Variants in FAM13A observed in about 807,000 individuals in gnomAD.
FAM13A encodes family with sequence similarity 13 member A, also known as protein FAM13A.
In FAM13A, 76 loss-of-function variants were observed where a neutral mutation model predicts 129.6. The observed-to-expected ratio is 0.59, with a 90% CI of 0.49 to 0.71. The LOEUF (loss-of-function observed/expected upper bound fraction) is 0.71, where lower values mean the gene tolerates loss of function less well. Ranked by LOEUF, FAM13A falls within the 30% of genes least tolerant of loss-of-function variation. The pLI, the probability that FAM13A is intolerant of heterozygous loss-of-function variation, is 0.00. For synonymous variants in FAM13A, 443 were observed against 449.9 expected, an observed-to-expected ratio of 0.98 and a Z score of 0.20; for missense variants, 1,108 against 1,249.3, an observed-to-expected ratio of 0.89 and a Z score of 1.70.
intron 14 of FAM13A, among the ~76,000 whole-genome samples, chr4:88,751,718 C>A (rs1023028174): frequency 1.3e-5 from 2 of 151,996 alleles, no homozygotes; most frequent in Admixed American, 1.3e-4. Context: ...TCAATAGACT[C>A]CTTTCCTCAT....
At chr4:89,039,039 T>G (rs979744170) in intron 1 of FAM13A, among the ~76,000 whole-genome samples, 1 of 152,212 alleles carries the variant, frequency 6.6e-6, no homozygotes, top group African/African-American at 2.4e-5. Context: ...TGATGCATTA[T>G]AAAGAATACA....
At chr4:88,880,208 G>A (rs1032068981) in intron 6 of FAM13A, among the ~76,000 whole-genome samples, 1 of 152,112 alleles carries the variant, frequency 6.6e-6, no homozygotes, top group East Asian at 1.9e-4. Context: ...ACCCTTTGAA[G>A]GAAGTGGATT....
intron 6 of FAM13A, among the ~76,000 whole-genome samples, chr4:88,869,390 C>T (rs1053935401): frequency 2.6e-5 from 4 of 152,244 alleles, no homozygotes; most frequent in African/African-American, 9.6e-5. Flanking sequence ...GGTACTTCTG[C>T]TTCTTTCACT....
chr4:88,912,560 C>CACAT (rs1016753200), intron 5 of FAM13A, among the ~76,000 whole-genome samples: 3 of 95,474 alleles, frequency 3.1e-5, no homozygotes, highest in Non-Finnish European at 6.0e-5. Flanking sequence ...TCTCTTTACA[C>CACAT]ACATACATAC....
At chr4:88,970,075 C>T (rs1013575321) in intron 4 of FAM13A, among the ~76,000 whole-genome samples, 7 of 152,194 alleles carry the variant, frequency 4.6e-5, no homozygotes, top group Non-Finnish European at 1.0e-4. Context: ...AGAGAAGGCA[C>T]TCAATAAATA....
At chr4:89,014,201 A>G (rs1766142571) in intron 3 of FAM13A, among the ~76,000 whole-genome samples, 1 of 152,234 alleles carries the variant, frequency 6.6e-6, no homozygotes, top group African/African-American at 2.4e-5. Context: ...ACGATGCAGT[A>G]GGAACGCACT....
intron 5 of FAM13A, among the ~76,000 whole-genome samples, chr4:88,935,831 C>T (rs1263738257): frequency 2.0e-5 from 3 of 152,112 alleles, no homozygotes; most frequent in Non-Finnish European, 4.4e-5. Flanking sequence ...TCCATAACTT[C>T]TATTTCATCC....
At chr4:89,019,013 G>A (rs941539193) in intron 3 of FAM13A, among the ~76,000 whole-genome samples, 8 of 152,214 alleles carry the variant, frequency 5.3e-5, no homozygotes, top group African/African-American at 1.9e-4. Flanking sequence ...GAGGCCAGGG[G>A]CTGCAGAGAA....
chr4:89,031,547 G>A (rs1207271085), intron 1 of FAM13A, among the ~76,000 whole-genome samples: 2 of 152,168 alleles, frequency 1.3e-5, no homozygotes, highest in East Asian at 3.8e-4. Flanking sequence ...GTTCATTTAT[G>A]TAAAGGAGTA....
chr4:88,823,304 T>TGCA lies in FAM13A; in HGVS notation c.1008-18255_1008-18253dup, dbSNP rs1396612955. The TGCA allele has an allele frequency of 6.8e-6, 8 of 1,177,200 alleles. No individual in the cohort carries two copies. The South Asian group carries it at 8.4e-5, about 12-fold the overall frequency. The allele number at this position is 1,177,200 out of a possible 1,614,324, so 72.9% of individuals were successfully genotyped here. A position where few individuals can be genotyped will look rare whatever the true frequency, so the allele number is the denominator to read the frequency against. On this transcript the variant is annotated intron_variant, in intron 7 of 23. Transcript: ENST00000264344. ...CCGGGCCAATCAGAGCAGCAGCTGC[T>TGCA]GCAGCACTAAAGGCGCTCCTCCTCC... is the stretch of plus-strand genomic sequence containing the variant.
At chr4:88,974,769 G>A (rs2148963240) in intron 4 of FAM13A, among the ~76,000 whole-genome samples, 1 of 152,322 alleles carries the variant, frequency 6.6e-6, no homozygotes, top group East Asian at 1.9e-4. Context: ...CCAGAAGAAA[G>A]AGATGAAGAG....
chr4:88,790,332 T>C (rs1392208628), intron 9 of FAM13A, among the ~76,000 whole-genome samples: 4 of 152,114 alleles, frequency 2.6e-5, no homozygotes, highest in Non-Finnish European at 5.9e-5. Context: ...CCTGGCATTA[T>C]TTTTAATGAA....
At chr4:88,735,487 G>A (rs1001473478) in intron 21 of FAM13A, among the ~76,000 whole-genome samples, 3 of 152,132 alleles carry the variant, frequency 2.0e-5, no homozygotes, top group African/African-American at 7.2e-5. Flanking sequence ...TTTTAGAGGG[G>A]ATTCTTATGT....
chr4:88,960,278 T>C (rs1758395740), intron 4 of FAM13A, among the ~76,000 whole-genome samples: 1 of 152,242 alleles, frequency 6.6e-6, no homozygotes, highest in South Asian at 2.1e-4. Context: ...TTTGCTTTAT[T>C]AAAAAATAAC....
intron 15 of FAM13A, 82 bp from the exon 16 acceptor site, chr4:88,749,991 T>C (rs1742221953): frequency 2.0e-6 from 3 of 1,492,182 alleles, no homozygotes; most frequent in African/African-American, 1.4e-5. Context: ...TGGGACACCA[T>C]GTGGCATGCG....
In FAM13A at chr4:89,029,528, C is replaced by A; in HGVS notation, c.149G>T (p.Arg50Leu). ...AATGCCATTCTCGGTGAGCCCCTGC[C>A]GTTCAAGTTCTTGGAGACTGACTCC... ...LFGVSLQELERQGLTENGIPA... is the reference protein window; with the variant it reads ...LFGVSLQELELQGLTENGIPA... The change falls in exon 2 of 24, where the codon CGG (arginine) becomes CTG (leucine). Residue 50 changes from arginine to leucine, a missense_variant. Physicochemically the swap from Arg to Leu is moderately radical, Grantham distance 102 (BLOSUM62 -2). Transcript: ENST00000264344. The A allele has an allele frequency of 6.3e-7, 1 of 1,591,922 alleles. No homozygotes were observed. Among genetic ancestry groups the A allele is most frequent in the South Asian group, 1.1e-5 (1 of 87,274 alleles).
intron 1 of FAM13A, among the ~76,000 whole-genome samples, chr4:89,039,832 C>T (rs891497603): frequency 2.0e-5 from 3 of 151,744 alleles, no homozygotes; most frequent in Non-Finnish European, 2.9e-5. Flanking sequence ...CTAATCCTCC[C>T]ACCACAGCTT....
Position 89,034,688 on chromosome 4 carries a change from C to T in FAM13A, c.28-5039G>A, listed in dbSNP as rs1157901506. Among the ~76,000 whole-genome samples the T allele has an allele frequency of 2.0e-5, 3 of 152,116 alleles. No homozygotes were observed. The East Asian group carries it at 5.8e-4, about 29-fold the overall frequency. Reference sequence around the variant, plus strand: ...CCTGAGGTCAGGAGTTTGAGGCCAGCCTGGCCAACATGGCGAAACCCCATC... The same window carrying T: ...CCTGAGGTCAGGAGTTTGAGGCCAGTCTGGCCAACATGGCGAAACCCCATC... On this transcript the variant is annotated intron_variant, in intron 1 of 23. Coordinates refer to ENST00000264344, the MANE Select transcript of FAM13A (RefSeq NM_014883.4).
intron 5 of FAM13A, among the ~76,000 whole-genome samples, chr4:88,907,401 T>C (rs1468136054): frequency 6.6e-6 from 1 of 152,192 alleles, no homozygotes; most frequent in Non-Finnish European, 1.5e-5. Context: ...TTCGTTACAA[T>C]CTTTTAAACA....
Sources: gnomAD v4.1 joint callset for allele counts (sites outside exome capture counted in the v4.1 genomes callset) on GRCh38, gnomAD v4.1.1 for gene constraint, MANE v1.5 for transcripts, NCBI Gene and HGNC (gene_info 2026-07-23, HGNC 2026-07-21) for gene names.